PLPP4: variants seen among roughly 807,000 people sequenced by gnomAD.
The protein encoded by PLPP4 is phospholipid phosphatase 4, also known as diacylglycerol pyrophosphate like 2.
PLPP4 carries 20 observed loss-of-function variants against 32.2 expected under a neutral mutation model. The ratio of observed to expected loss-of-function variants is 0.62; its 90% CI spans 0.44 to 0.90. PLPP4 has a LOEUF of 0.90. Among genes scored for constraint, PLPP4 ranks in the 40% least tolerant of loss-of-function variants. The pLI is 0.00. For synonymous variants in PLPP4, 127 were observed against 133.0 expected, an observed-to-expected ratio of 0.95 and a Z score of 0.31; for missense variants, 257 against 353.1, an observed-to-expected ratio of 0.73 and a Z score of 2.18.
chr10:120,586,766 A>G (rs781529873), intron 6 of PLPP4, among the ~76,000 whole-genome samples: 3 of 152,212 alleles, frequency 2.0e-5, no homozygotes, highest in Non-Finnish European at 4.4e-5. Flanking sequence ...AGCATTAAAC[A>G]TTAAACAATC....
intron 1 of PLPP4, among the ~76,000 whole-genome samples, chr10:120,459,643 G>A (rs1445631007): frequency 1.3e-5 from 2 of 152,200 alleles, no homozygotes; most frequent in Admixed American, 6.5e-5. Context: ...GGCTGAATCC[G>A]ATTTCCCTGC....
rs1270171003 is a variant in PLPP4 at position 120,468,601 on chromosome 10, T to G, written c.56+11240T>G. ...TTATAGTAAGCATTTATTATTTTCA[T>G]GCACAATCAAAAAAATCAATATAGA... On this transcript the variant is annotated intron_variant, in intron 1 of 6. Coordinates refer to ENST00000398250, the MANE Select transcript of PLPP4 (RefSeq NM_001030059.3). Among the ~76,000 whole-genome samples the G allele has an allele frequency of 3.1e-5, 2 of 65,362 alleles. 1 individual carries two copies. Among genetic ancestry groups the G allele is most frequent in the African/African-American group, 6.5e-5 (2 of 30,640 alleles). 42.9% of individuals were successfully genotyped at this position (65,362 alleles called of 152,430 possible).
intron 6 of PLPP4, among the ~76,000 whole-genome samples, chr10:120,583,166 G>A (rs1849598814): frequency 6.6e-6 from 1 of 151,854 alleles, no homozygotes. Flanking sequence ...GGCTGCCTTG[G>A]TGACAGAAGG....
chr10:120,517,254 C>G (rs1231424464), intron 3 of PLPP4, among the ~76,000 whole-genome samples: 2 of 152,208 alleles, frequency 1.3e-5, no homozygotes, highest in African/African-American at 2.4e-5. Flanking sequence ...GTGAGCGTGG[C>G]AGGCCAGCCC....
chr10:120,546,145 T>A (rs1847606363), intron 5 of PLPP4, among the ~76,000 whole-genome samples: 1 of 152,168 alleles, frequency 6.6e-6, no homozygotes, highest in African/African-American at 2.4e-5. Flanking sequence ...GCTTTCTTGC[T>A]CCTCAGCTTG....
intron 5 of PLPP4, among the ~76,000 whole-genome samples, chr10:120,571,466 C>G (rs1461832457): frequency 2.6e-5 from 4 of 152,072 alleles, no homozygotes; most frequent in Non-Finnish European, 4.4e-5. Flanking sequence ...AGCACCCTCC[C>G]CCTCCTCACA....
chr10:120,457,684 C>G (rs1165816564), intron 1 of PLPP4, among the ~76,000 whole-genome samples: 2 of 152,192 alleles, frequency 1.3e-5, no homozygotes, highest in Non-Finnish European at 2.9e-5. Flanking sequence ...GGACGCGCAC[C>G]CTGGCCCGTG....
intron 1 of PLPP4, among the ~76,000 whole-genome samples, chr10:120,475,438 T>C (rs1458279006): frequency 1.3e-5 from 2 of 152,188 alleles, no homozygotes; most frequent in Non-Finnish European, 1.5e-5. Context: ...TTCCCATTCA[T>C]TGGGGGTTAT....
At chr10:120,494,591 G>A (rs1454826478) in intron 1 of PLPP4, among the ~76,000 whole-genome samples, 3 of 152,184 alleles carry the variant, frequency 2.0e-5, no homozygotes, top group African/African-American at 4.8e-5. Flanking sequence ...TCCCCAAGAG[G>A]GGGTGGTAAT....
At chr10:120,537,369 G>T (rs1847078999) in intron 5 of PLPP4, among the ~76,000 whole-genome samples, 1 of 152,146 alleles carries the variant, frequency 6.6e-6, no homozygotes, top group South Asian at 2.1e-4. Flanking sequence ...AAAAAGAAAA[G>T]GAAATTCTTC....
Position 120,559,055 on chromosome 10 carries a change from A to G in PLPP4, c.446-16076A>G, listed in dbSNP as rs939547805. 4.6e-5 allele frequency among the ~76,000 whole-genome samples: 7 copies of G among 152,282 alleles called. No homozygotes were observed. In the East Asian group the frequency reaches 1.2e-3, roughly 25 times the overall value. On this transcript the variant is annotated intron_variant, in intron 5 of 6. Transcript: ENST00000398250. ...TAGTTTTTGCTTGTCTGAAAGATGT[A>G]TTGGTAGCTCCTGGTAGTTGTGATA... is the stretch of plus-strand genomic sequence containing the variant.
At chr10:120,563,234 C>T (rs1393529625) in intron 5 of PLPP4, among the ~76,000 whole-genome samples, 23 of 152,084 alleles carry the variant, frequency 1.5e-4, no homozygotes, top group Admixed American at 1.5e-3. Flanking sequence ...AGCGAAACCC[C>T]ATCTCAAAAA....
chr10:120,493,627 C>T (rs915030393), intron 1 of PLPP4, among the ~76,000 whole-genome samples: 1 of 152,128 alleles, frequency 6.6e-6, no homozygotes, highest in African/African-American at 2.4e-5. Flanking sequence ...GCTTGGGCCA[C>T]ACATTTCCAC....
At chr10:120,502,616 A>C (rs190994943) in intron 1 of PLPP4, among the ~76,000 whole-genome samples, 2 of 152,198 alleles carry the variant, frequency 1.3e-5, no homozygotes, top group African/African-American at 4.8e-5. Flanking sequence ...TCCTGCCCTC[A>C]CACCCTCACA....
intron 5 of PLPP4, among the ~76,000 whole-genome samples, chr10:120,534,718 C>A (rs1158897162): frequency 6.6e-6 from 1 of 152,112 alleles, no homozygotes; most frequent in African/African-American, 2.4e-5. Flanking sequence ...TGTTTCCAAT[C>A]TACTGCTAAG....
intron 5 of PLPP4, among the ~76,000 whole-genome samples, chr10:120,533,946 A>G (rs1390821381): frequency 2.0e-5 from 3 of 152,192 alleles, no homozygotes; most frequent in Admixed American, 1.3e-4. Flanking sequence ...AGGAACAACA[A>G]TGCAATTACA....
chr10:120,587,921 C>A (rs34718731), intron 6 of PLPP4, among the ~76,000 whole-genome samples: 10,977 of 152,250 alleles, frequency 0.072, 668 homozygotes, highest in African/African-American at 0.17. Flanking sequence ...TGCAGATGGA[C>A]ATACCCTTCA....
chr10:120,540,867 C>T (rs1464792010), intron 5 of PLPP4, among the ~76,000 whole-genome samples: 3 of 152,194 alleles, frequency 2.0e-5, no homozygotes, highest in Non-Finnish European at 4.4e-5. Context: ...CTGAGCGGAA[C>T]ACCCTCCAGT....
chr10:120,498,741 A>G (rs1470057728), intron 1 of PLPP4, among the ~76,000 whole-genome samples: 2 of 151,150 alleles, frequency 1.3e-5, no homozygotes, highest in Non-Finnish European at 2.9e-5. Flanking sequence ...GCTCACTGCA[A>G]CCTCCACCTC....
Sources: allele counts gnomAD v4.1 joint callset (sites outside exome capture counted in the v4.1 genomes callset), GRCh38; gene constraint gnomAD v4.1.1; transcripts MANE v1.5; gene names NCBI Gene and HGNC (gene_info 2026-07-23, HGNC 2026-07-21).